Variants in GNA12 observed in about 807,000 individuals in gnomAD.
The protein encoded by GNA12 is G protein subunit alpha 12.
Under a neutral mutation model 26.0 loss-of-function variants are expected in GNA12, and 9 were observed. The observed-to-expected ratio is 0.35, with a 90% CI of 0.21 to 0.60. The LOEUF (loss-of-function observed/expected upper bound fraction) is 0.60, where lower values mean the gene tolerates loss of function less well. Among genes scored for constraint, GNA12 ranks in the 20% least tolerant of loss-of-function variants. The probability of loss-of-function intolerance (pLI) is 0.78; values close to 1 mark genes in which losing one functional copy is unlikely to be tolerated. For synonymous variants in GNA12, 264 were observed against 219.6 expected (o/e 1.20, Z -1.79); for missense variants, 405 against 525.8 (o/e 0.77, Z 2.25).
chr7:2,823,493 T>C, intron 1 of GNA12, among the ~76,000 whole-genome samples: 1 of 152,188 alleles, frequency 6.6e-6, no homozygotes, highest in East Asian at 1.9e-4. Flanking sequence ...AATCATTCTT[T>C]GGTCTTTCAA....
intron 2 of GNA12, among the ~76,000 whole-genome samples, chr7:2,749,626 C>G (rs1053968523): frequency 6.6e-6 from 1 of 151,634 alleles, no homozygotes; most frequent in Non-Finnish European, 1.5e-5. Context: ...CAAACCTGCA[C>G]GTTGTGCACA....
chr7:2,814,903 A>T, intron 1 of GNA12: 1 of 1,601,136 alleles, frequency 6.2e-7, no homozygotes, highest in Non-Finnish European at 8.5e-7. Context: ...CTTGCTAGGC[A>T]CGGCCTGGGA....
intron 2 of GNA12, among the ~76,000 whole-genome samples, chr7:2,792,321 G>C (rs1792540554): frequency 6.6e-6 from 1 of 152,212 alleles, no homozygotes; most frequent in South Asian, 2.1e-4. Flanking sequence ...AAGATGATGT[G>C]GCCTCAGGCA....
At chr7:2,829,964 T>A (rs914068550) in intron 1 of GNA12, among the ~76,000 whole-genome samples, 7 of 152,230 alleles carry the variant, frequency 4.6e-5, no homozygotes, top group Admixed American at 6.5e-5. Flanking sequence ...GATTTTCTCC[T>A]GCTAGCTAGT....
chr7:2,821,760 G>C (rs1346532318), intron 1 of GNA12, among the ~76,000 whole-genome samples: 1 of 152,178 alleles, frequency 6.6e-6, no homozygotes, highest in Non-Finnish European at 1.5e-5. Flanking sequence ...CAGGAAACAT[G>C]AGGTTACACC....
intron 2 of GNA12, among the ~76,000 whole-genome samples, chr7:2,780,038 A>C (rs1792181987): frequency 7.6e-6 from 1 of 132,400 alleles, no homozygotes; most frequent in African/African-American, 2.8e-5. Flanking sequence ...AGTTTTTTAC[A>C]CATTTCTGTG....
intron 2 of GNA12, among the ~76,000 whole-genome samples, chr7:2,789,221 C>T (rs1307222623): frequency 5.8e-5 from 8 of 137,958 alleles, no homozygotes; most frequent in East Asian, 2.1e-4. Flanking sequence ...CTGCAAGCTC[C>T]GCCTCCCGGG....
At chr7:2,790,345 G>C (rs540862815) in intron 2 of GNA12, among the ~76,000 whole-genome samples, 2 of 152,174 alleles carry the variant, frequency 1.3e-5, no homozygotes, top group African/African-American at 4.8e-5. Flanking sequence ...TGGAACTCCT[G>C]GGCTCAAGTG....
intron 1 of GNA12, among the ~76,000 whole-genome samples, chr7:2,815,793 G>A (rs117825024): frequency 0.01 from 1,531 of 152,252 alleles, 12 homozygotes; most frequent in Middle Eastern, 0.075. Flanking sequence ...CAACAGTCCC[G>A]TCTGTGTCTT....
rs117605942 is a variant in GNA12, at chr7:2,764,088, T to C, written c.526-30587A>G. 4.2e-4 allele frequency among the ~76,000 whole-genome samples: 64 copies of C among 152,212 alleles called. 1 individual carries two copies. The East Asian group carries it at 0.011, about 26-fold the overall frequency. ...TGAGTATTTTTTATCATTTTGGTTTTGAGACAGGGTCTCACTCTGTTGCCC... is the reference window on the plus strand; with the variant it reads ...TGAGTATTTTTTATCATTTTGGTTTCGAGACAGGGTCTCACTCTGTTGCCC... On this transcript the variant is annotated intron_variant, in intron 2 of 3. Transcript: ENST00000275364.
rs541986692 is a variant in GNA12 at position 2,812,047 on chromosome 7, C to T, written c.310-16904G>A. On this transcript the variant is annotated intron_variant, in intron 1 of 3. Transcript: ENST00000275364. ...GGCTGTAAGTACTCAAGAGAACCCG[C>T]GTTTCACGCGACTCCTCTCCAAAAA... is the stretch of plus-strand genomic sequence containing the variant. Among the ~76,000 whole-genome samples, 24 of 152,250 alleles carry T rather than the reference C, an allele frequency of 1.6e-4. No individual in the cohort carries two copies. In the South Asian group the frequency reaches 1.7e-3, roughly 10 times the overall value.
At chr7:2,843,778 C>G in intron 1 of GNA12, 75 bp downstream of exon 1, 1 of 770,230 alleles carries the variant, frequency 1.3e-6, no homozygotes, top group South Asian at 2.7e-5. Flanking sequence ...GGCGGCGGAC[C>G]ACGGAGGGGC....
At chr7:2,746,259 C>A (rs1790758364) in intron 2 of GNA12, among the ~76,000 whole-genome samples, 1 of 152,166 alleles carries the variant, frequency 6.6e-6, no homozygotes, top group Admixed American at 6.6e-5. Flanking sequence ...AAATTGACCA[C>A]TTGATAGTTG....
intron 1 of GNA12, among the ~76,000 whole-genome samples, chr7:2,805,779 G>A (rs372614561): frequency 1.4e-4 from 21 of 152,332 alleles, no homozygotes; most frequent in African/African-American, 5.1e-4. Flanking sequence ...TGTGCATTCA[G>A]ACACTACTTG....
At chr7:2,738,329 A>C (rs1790315854) in intron 2 of GNA12, among the ~76,000 whole-genome samples, 1 of 152,126 alleles carries the variant, frequency 6.6e-6, no homozygotes, top group African/African-American at 2.4e-5. Context: ...CAGAAATACA[A>C]AGTGACGCAG....
intron 1 of GNA12, among the ~76,000 whole-genome samples, chr7:2,797,066 T>C (rs1239755153): frequency 3.3e-5 from 5 of 152,186 alleles, no homozygotes. Context: ...CAGAGCAATC[T>C]GAGGGACTCA....
chr7:2,821,648 C>T (rs1272491335), intron 1 of GNA12, among the ~76,000 whole-genome samples: 1 of 152,170 alleles, frequency 6.6e-6, no homozygotes, highest in East Asian at 1.9e-4. Context: ...TTTCTCAGCT[C>T]CCTGCTCCTC....
At position 2,731,289 on chromosome 7, in the gene GNA12, G is replaced by C; in HGVS notation, c.1038C>G (p.Leu346=). ...DRKRRNRSKP[L]FHHFTTAIDT... ...CGATGGCGGTGGTGAAGTGGTGGAA[G>C]AGTGGCTTGCTGCGGTTCCGTCTCT... The change falls in exon 4 of 4, where the codon CTC becomes CTG. Residue 346 remains leucine, a synonymous_variant. Coordinates refer to ENST00000275364, the MANE Select transcript of GNA12 (RefSeq NM_007353.3). This position sits in a 1 kb window ranked among gnomAD's most constrained non-coding sequence, Gnocchi z 6.0. 1 of 1,612,726 alleles carries C rather than the reference G, an allele frequency of 6.2e-7. No individual in the cohort carries two copies. Among genetic ancestry groups the C allele is most frequent in the Non-Finnish European group, 8.5e-7 (1 of 1,179,506 alleles).
chr7:2,831,590 A>G (rs959334248), intron 1 of GNA12, among the ~76,000 whole-genome samples: 4 of 151,836 alleles, frequency 2.6e-5, no homozygotes, highest in African/African-American at 9.7e-5. Flanking sequence ...TTTTTAGTAG[A>G]GACGGGGTTT....
Sources: allele counts gnomAD v4.1 joint callset (sites outside exome capture counted in the v4.1 genomes callset), GRCh38; gene constraint gnomAD v4.1.1; non-coding constraint Gnocchi (gnomAD v3.1); transcripts MANE v1.5; gene names NCBI Gene and HGNC (gene_info 2026-07-23, HGNC 2026-07-21).